Variants in GRIA2 observed in about 807,000 individuals in gnomAD.
The protein encoded by GRIA2 is glutamate receptor 2.
In GRIA2, 14 loss-of-function variants were observed where a neutral mutation model predicts 97.3. The observed-to-expected ratio is 0.14, with a 90% CI of 0.10 to 0.23. GRIA2 has a LOEUF of 0.23. GRIA2 is among the 10% of genes least tolerant of loss of function. GRIA2 has a pLI of 1.00. For synonymous variants in GRIA2, 412 were observed against 387.8 expected, an observed-to-expected ratio of 1.06 and a Z score of -0.73; for missense variants, 558 against 1,069.8, an observed-to-expected ratio of 0.52 and a Z score of 6.67.
intron 2 of GRIA2, among the ~76,000 whole-genome samples, chr4:157,240,598 C>T (rs1051639918): frequency 2.0e-5 from 3 of 152,038 alleles, no homozygotes; most frequent in African/African-American, 7.2e-5. Flanking sequence ...CAACTGGGAC[C>T]TTCTCTTTGT....
At chr4:157,242,871 T>C (rs973214127) in intron 2 of GRIA2, among the ~76,000 whole-genome samples, 10 of 152,122 alleles carry the variant, frequency 6.6e-5, no homozygotes, top group Non-Finnish European at 1.3e-4. Flanking sequence ...AATTCAAGCC[T>C]GAAGGGAGCT....
intron 2 of GRIA2, among the ~76,000 whole-genome samples, chr4:157,224,141 C>T (rs1729638065): frequency 6.6e-6 from 1 of 152,140 alleles, no homozygotes; most frequent in Non-Finnish European, 1.5e-5. Context: ...ATCAAGTCTT[C>T]ATTTGCACAG....
At chr4:157,295,413 A>T (rs1733301281) in intron 2 of GRIA2, among the ~76,000 whole-genome samples, 1 of 152,240 alleles carries the variant, frequency 6.6e-6, no homozygotes, top group South Asian at 2.1e-4. Flanking sequence ...GAGGCAATTT[A>T]TGGAAAATGT....
chr4:157,326,648 A>G (rs888006978), intron 6 of GRIA2, among the ~76,000 whole-genome samples: 1 of 152,336 alleles, frequency 6.6e-6, no homozygotes, highest in East Asian at 1.9e-4. Flanking sequence ...AGGAACAATG[A>G]TTCCAGATAA....
intron 12 of GRIA2, among the ~76,000 whole-genome samples, chr4:157,344,013 A>C (rs898358478): frequency 6.6e-6 from 1 of 152,062 alleles, no homozygotes; most frequent in Non-Finnish European, 1.5e-5. Context: ...TTCCAACTGT[A>C]TCCATCCAGT....
chr4:157,232,259 T>C (rs1730054149), intron 2 of GRIA2, among the ~76,000 whole-genome samples: 1 of 152,210 alleles, frequency 6.6e-6, no homozygotes, highest in African/African-American at 2.4e-5. Context: ...CCCACATTTC[T>C]ACAGCATGGG....
intron 13 of GRIA2, 130 bp downstream of exon 13, chr4:157,360,273 A>C: frequency 4.8e-6 from 4 of 832,208 alleles, no homozygotes. Context: ...ATGACCAAAA[A>C]ACGTTTCTGA....
intron 2 of GRIA2, among the ~76,000 whole-genome samples, chr4:157,258,094 C>G (rs775391948): frequency 6.6e-6 from 1 of 151,894 alleles, no homozygotes; most frequent in African/African-American, 2.4e-5. Flanking sequence ...ACCTCAGGAC[C>G]CTGTGATGAT....
intron 2 of GRIA2, among the ~76,000 whole-genome samples, chr4:157,242,388 T>G (rs2126719674): frequency 6.6e-6 from 1 of 152,220 alleles, no homozygotes; most frequent in Non-Finnish European, 1.5e-5. Flanking sequence ...ATAATGGAGA[T>G]GATTTGTTGC....
At chr4:157,313,939 T>G (rs1295177179) in intron 4 of GRIA2, among the ~76,000 whole-genome samples, 1 of 152,152 alleles carries the variant, frequency 6.6e-6, no homozygotes, top group Admixed American at 6.6e-5. Flanking sequence ...AAAGAAAATG[T>G]TATTTAGAAA....
In GRIA2 at chr4:157,289,664, A is replaced by G. The variant is rs550248008; in HGVS notation, c.230-13888A>G. Among the ~76,000 whole-genome samples, 26 of 152,020 alleles carry G rather than the reference A, an allele frequency of 1.7e-4. 2 individuals carry two copies. Among genetic ancestry groups the G allele is most frequent in the African/African-American group, 6.3e-4 (26 of 41,546 alleles). ...ATAGCAAAGATTAAATTTACAAATT[A>G]TAAATATCAATTAATAAAGTTTCTT... On this transcript the variant is annotated intron_variant, in intron 2 of 15. Transcript: ENST00000264426.
intron 12 of GRIA2, among the ~76,000 whole-genome samples, chr4:157,343,465 A>G (rs1735634517): frequency 6.6e-6 from 1 of 151,982 alleles, no homozygotes; most frequent in African/African-American, 2.4e-5. Flanking sequence ...AAATCTCTGG[A>G]TTTACTTCAC....
rs546220549 is a variant in GRIA2 at position 157,360,895 on chromosome 4, AT to A, written c.2292-108del. 3.2e-4 allele frequency: 247 copies of A among 761,786 alleles called. No individual in the cohort carries two copies. The African/African-American group carries it at 3.9e-3, about 12-fold the overall frequency. 47.2% of individuals were successfully genotyped at this position (761,786 alleles called of 1,614,324 possible). On this transcript the variant is annotated intron_variant, in intron 13 of 15. Transcript: ENST00000264426. ...ATTATTGTGGCCTTTTTCCCACTTC[AT>A]TTTTTTGTGACAAGAGTTGCCACAG... is the stretch of plus-strand genomic sequence containing the variant.
rs1732279214 is a variant in GRIA2 at position 157,275,815 on chromosome 4, T to A, written c.230-27737T>A. The stretch of plus-strand genomic sequence containing the variant: ...AGTCAGGTAGCGTGATGCCTCCAGC[T>A]TTTTTCTTTTGGCTTAGGATTGACT... On this transcript the variant is annotated intron_variant, in intron 2 of 15. Transcript: ENST00000264426. Among the ~76,000 whole-genome samples the A allele has an allele frequency of 2.6e-5, 4 of 152,158 alleles. No homozygotes were observed. The South Asian group carries it at 8.3e-4, about 31-fold the overall frequency.
chr4:157,255,110 T>C (rs1731182542), intron 2 of GRIA2, among the ~76,000 whole-genome samples: 1 of 152,032 alleles, frequency 6.6e-6, no homozygotes, highest in African/African-American at 2.4e-5. Context: ...CCGTCTATCA[T>C]TCCACACTCT....
intron 2 of GRIA2, among the ~76,000 whole-genome samples, chr4:157,267,873 T>C (rs940529011): frequency 3.9e-5 from 6 of 152,150 alleles, no homozygotes; most frequent in African/African-American, 1.4e-4. Context: ...TTTTATGTAA[T>C]GCATTTAAAG....
intron 2 of GRIA2, among the ~76,000 whole-genome samples, chr4:157,264,681 A>C (rs1377043551): frequency 6.6e-6 from 1 of 152,110 alleles, no homozygotes; most frequent in Non-Finnish European, 1.5e-5. Flanking sequence ...TAATAAAAGA[A>C]AAGGAAATAA....
chr4:157,243,545 T>C (rs17035898), intron 2 of GRIA2, among the ~76,000 whole-genome samples: 6,116 of 152,216 alleles, frequency 0.04, 168 homozygotes, highest in Middle Eastern at 0.092. Flanking sequence ...TTGTAGTGAA[T>C]GCCCCCTAAA....
At chr4:157,248,793 T>C (rs1301466747) in intron 2 of GRIA2, among the ~76,000 whole-genome samples, 3 of 68,646 alleles carry the variant, frequency 4.4e-5, no homozygotes, top group African/African-American at 7.2e-5. Context: ...TATATATATA[T>C]ATATATATAT....
Sources: allele counts gnomAD v4.1 joint callset (sites outside exome capture counted in the v4.1 genomes callset), GRCh38; gene constraint gnomAD v4.1.1; transcripts MANE v1.5; gene names NCBI Gene and HGNC (gene_info 2026-07-23, HGNC 2026-07-21).